Variants in ZNF721 observed in about 807,000 individuals in gnomAD.
The protein encoded by ZNF721 is zinc finger protein 721.
Under a neutral mutation model 2.4 loss-of-function variants are expected in ZNF721, and 2 were observed. The ratio of observed to expected loss-of-function variants is 0.82; its 90% CI spans 0.34 to 2.58. The LOEUF (loss-of-function observed/expected upper bound fraction) is 2.58, where lower values mean the gene tolerates loss of function less well. Ranked by LOEUF, ZNF721 falls within the 30% of genes most tolerant of loss-of-function variation. The pLI, the probability that ZNF721 is intolerant of heterozygous loss-of-function variation, is 0.11. For missense variants in ZNF721, 1,187 were observed against 1,085.5 expected, an observed-to-expected ratio of 1.09 and a Z score of -1.31; for synonymous variants, 398 against 381.8, an observed-to-expected ratio of 1.04 and a Z score of -0.50.
intron 1 of ZNF721, among the ~76,000 whole-genome samples, chr4:483,937 G>A (rs1553869881): frequency 2.0e-5 from 3 of 151,944 alleles, no homozygotes; most frequent in Admixed American, 6.6e-5. Context: ...TCAGCCTCCC[G>A]AGTAGCTGGG....
At chr4:463,316 A>G (rs1715127734) in intron 2 of ZNF721, among the ~76,000 whole-genome samples, 1 of 152,196 alleles carries the variant, frequency 6.6e-6, no homozygotes, top group Non-Finnish European at 1.5e-5. Flanking sequence ...TGGGAGTGTA[A>G]GTTAGTTCAA....
At chr4:458,776 G>A (rs1345435421) in intron 2 of ZNF721, among the ~76,000 whole-genome samples, 2 of 152,138 alleles carry the variant, frequency 1.3e-5, no homozygotes, top group Non-Finnish European at 2.9e-5. Context: ...AACCCAGGGG[G>A]CAGAGGCTGC....
rs138895013 is a variant in ZNF721, at chr4:453,315, A to G, written c.35-8883T>C. ...ATGGTCTTACTACCTGGTTGCCCCA[A>G]TGGCAATGAAACAAATGGTTAATTG... On this transcript the variant is annotated intron_variant, in intron 2 of 2. Coordinates refer to ENST00000511833, the MANE Select transcript of ZNF721 (RefSeq NM_133474.4). 34 of 152,376 alleles carry G rather than the reference A, an allele frequency of 2.2e-4. No homozygotes were observed. The East Asian group carries it at 4.8e-3, about 22-fold the overall frequency. The allele number at this position is 152,376 out of a possible 1,614,324, so 9.4% of individuals were successfully genotyped here. A position where few individuals can be genotyped will look rare whatever the true frequency, so the allele number is the denominator to read the frequency against.
chr4:482,949 T>C (rs1439583274), intron 1 of ZNF721, among the ~76,000 whole-genome samples: 1 of 152,262 alleles, frequency 6.6e-6, no homozygotes, highest in Admixed American at 6.5e-5. Context: ...GTGATTCACA[T>C]GCACATTAAT....
At chr4:483,288 C>T (rs1478645868) in intron 1 of ZNF721, among the ~76,000 whole-genome samples, 1 of 152,138 alleles carries the variant, frequency 6.6e-6, no homozygotes, top group South Asian at 2.1e-4. Context: ...CGGTGGCTCA[C>T]GCCTGTAATC....
intron 1 of ZNF721, among the ~76,000 whole-genome samples, chr4:496,707 CT>C (rs781947891): frequency 0.023 from 1,928 of 83,810 alleles, 5 homozygotes; most frequent in Middle Eastern, 0.045. Flanking sequence ...TACATGACTT[CT>C]TTTTTTTTTT....
rs376919237 is a variant in ZNF721 at position 489,426 on chromosome 4, CTTAT to C, written c.-94+9626_-94+9629del. Among the ~76,000 whole-genome samples, 56 of 152,320 alleles carry C rather than the reference CTTAT, an allele frequency of 3.7e-4. 1 individual carries two copies. Among genetic ancestry groups the C allele is most frequent in the African/African-American group, 1.1e-3 (45 of 41,554 alleles). ...TACTCACTCTCTGGTGTCTGTATGT[CTTAT>C]TCTTCCTGGTCATGGGAAGAGAGCC... On this transcript the variant is annotated intron_variant, in intron 1 of 2. Transcript: ENST00000511833.
At chr4:469,452 C>T (rs782577546) in intron 2 of ZNF721, among the ~76,000 whole-genome samples, 3 of 151,996 alleles carry the variant, frequency 2.0e-5, no homozygotes, top group Non-Finnish European at 4.4e-5. Context: ...TTGAAGCAGA[C>T]ACAAACACAT....
chr4:445,923 A>G (rs1345311289), intron 2 of ZNF721, among the ~76,000 whole-genome samples: 1 of 152,206 alleles, frequency 6.6e-6, no homozygotes, highest in Admixed American at 6.5e-5. Flanking sequence ...CTGTCAACAA[A>G]ACTATTTCAC....
chr4:497,247 T>A (rs1330964018), intron 1 of ZNF721, among the ~76,000 whole-genome samples: 1 of 151,600 alleles, frequency 6.6e-6, no homozygotes, highest in Non-Finnish European at 1.5e-5. Flanking sequence ...CAAATAAACC[T>A]CAGACCCCCC....
intron 2 of ZNF721, among the ~76,000 whole-genome samples, chr4:467,669 C>G (rs1156959641): frequency 6.6e-6 from 1 of 152,204 alleles, no homozygotes; most frequent in Non-Finnish European, 1.5e-5. Flanking sequence ...AATGGTCCTT[C>G]CCATCAAGAG....
At chr4:481,644 T>C (rs1285620232) in intron 1 of ZNF721, among the ~76,000 whole-genome samples, 8 of 151,954 alleles carry the variant, frequency 5.3e-5, no homozygotes, top group African/African-American at 7.3e-5. Flanking sequence ...TCTCAGCTCA[T>C]TGCAACCTCC....
intron 1 of ZNF721, among the ~76,000 whole-genome samples, chr4:489,249 T>C (rs577074781): frequency 6.6e-6 from 1 of 152,238 alleles, no homozygotes; most frequent in East Asian, 1.9e-4. Flanking sequence ...GGGGAGAAAT[T>C]GACCCCTCCC....
chr4:497,855 G>T (rs1255588292), intron 1 of ZNF721, among the ~76,000 whole-genome samples: 2 of 151,612 alleles, frequency 1.3e-5, no homozygotes, highest in Non-Finnish European at 1.5e-5. Flanking sequence ...CGGAGATGGT[G>T]CCACTGCACT....
intron 1 of ZNF721, among the ~76,000 whole-genome samples, chr4:479,514 T>TA (rs1230304855): frequency 3.9e-5 from 6 of 152,202 alleles, no homozygotes; most frequent in Admixed American, 6.5e-5. Flanking sequence ...GAAGCAAAGC[T>TA]ATGTGCCTCC....
chr4:454,516 G>C (rs185685594), intron 2 of ZNF721, among the ~76,000 whole-genome samples: 3 of 152,310 alleles, frequency 2.0e-5, no homozygotes, highest in Admixed American at 2.0e-4. Flanking sequence ...TGAATGTTAT[G>C]TGTATATCCC....
intron 2 of ZNF721, among the ~76,000 whole-genome samples, chr4:447,338 T>G (rs1714510099): frequency 6.6e-6 from 1 of 151,646 alleles, no homozygotes. Context: ...AATAAATAAA[T>G]AAAATAAAAC....
In ZNF721 at chr4:441,491, C is replaced by A; in HGVS notation, c.*204G>T. On this transcript the variant is annotated 3_prime_UTR_variant, in exon 3 of 3. Coordinates refer to ENST00000511833, the MANE Select transcript of ZNF721 (RefSeq NM_133474.4). ...ATCAATATAATTACTCTTATGTCTA[C>A]AACAGATTGAGGTGTGATTAAAAGC... 2 of 526,234 alleles carry A rather than the reference C, an allele frequency of 3.8e-6. No homozygotes were observed. Among genetic ancestry groups the A allele is most frequent in the Non-Finnish European group, 6.6e-6 (2 of 302,366 alleles). The allele number at this position is 526,234 out of a possible 1,614,324, so 32.6% of individuals were successfully genotyped here.
At chr4:464,846 G>A (rs946483333) in intron 2 of ZNF721, among the ~76,000 whole-genome samples, 6 of 151,788 alleles carry the variant, frequency 4.0e-5, no homozygotes, top group South Asian at 2.1e-4. Context: ...TTGGGAGGCC[G>A]AGGCGGGAGG....
Sources: allele counts gnomAD v4.1 joint callset (sites outside exome capture counted in the v4.1 genomes callset), GRCh38; gene constraint gnomAD v4.1.1; transcripts MANE v1.5; gene names NCBI Gene and HGNC (gene_info 2026-07-23, HGNC 2026-07-21).